Variants in ZC2HC1A observed in about 807,000 individuals in gnomAD.
ZC2HC1A encodes the protein zinc finger C2HC domain-containing protein 1A.
ZC2HC1A carries 28 observed loss-of-function variants against 40.7 expected under a neutral mutation model. The observed-to-expected ratio is 0.69, with a 90% CI of 0.51 to 0.94. ZC2HC1A has a LOEUF of 0.94. Ranked by LOEUF, ZC2HC1A falls within the 40% of genes least tolerant of loss-of-function variation. ZC2HC1A has a pLI of 0.00. For synonymous variants in ZC2HC1A, 129 were observed against 129.2 expected, an observed-to-expected ratio of 1.00 and a Z score of 0.01; for missense variants, 389 against 386.3, an observed-to-expected ratio of 1.01 and a Z score of -0.06.
At chr8:78,698,611 C>A in intron 7 of ZC2HC1A, 98 bp downstream of exon 7, 1 of 908,734 alleles carries the variant, frequency 1.1e-6, no homozygotes. Context: ...ATCTTCATTT[C>A]CTAAGTTCAT....
intron 1 of ZC2HC1A, among the ~76,000 whole-genome samples, chr8:78,672,156 T>C (rs573424926): frequency 1.2e-4 from 19 of 152,258 alleles, no homozygotes; most frequent in African/African-American, 4.1e-4. Flanking sequence ...TAGAGCAAAA[T>C]GTGGCTTTTG....
intron 5 of ZC2HC1A, among the ~76,000 whole-genome samples, chr8:78,694,382 T>G (rs1460040815): frequency 6.6e-6 from 1 of 152,164 alleles, no homozygotes; most frequent in Non-Finnish European, 1.5e-5. Flanking sequence ...TATTCATGAT[T>G]ATCATTCATG....
In ZC2HC1A at chr8:78,718,788, G is replaced by A. The variant is rs920002590; in HGVS notation, c.*1295G>A. 1 of 151,628 alleles carries A rather than the reference G, an allele frequency of 6.6e-6. No individual in the cohort carries two copies. The highest frequency in any genetic ancestry group is 1.5e-5 in the Non-Finnish European group (1 of 67,690). The allele number at this position is 151,628 out of a possible 1,614,324, so 9.4% of individuals were successfully genotyped here. Reference sequence around the variant, plus strand: ...AGATTGCCTTGATGGCAGTAATTCTGTAGTAATTTCTATTCAATCAAACCT... The same window carrying A: ...AGATTGCCTTGATGGCAGTAATTCTATAGTAATTTCTATTCAATCAAACCT... On this transcript the variant is annotated 3_prime_UTR_variant, in exon 9 of 9. Coordinates refer to ENST00000263849, the MANE Select transcript of ZC2HC1A (RefSeq NM_016010.3).
intron 1 of ZC2HC1A, among the ~76,000 whole-genome samples, chr8:78,667,977 A>G (rs1378718613): frequency 6.6e-6 from 1 of 152,014 alleles, no homozygotes; most frequent in East Asian, 1.9e-4. Context: ...TTTTTACAAA[A>G]TAAGATGCTA....
rs1460982834 is a variant in ZC2HC1A, at chr8:78,719,444, T to C, written c.*1951T>C. ...GATTTATGACTTACGAAATATGTTG[T>C]GACAATATATTTAAATGCATTTTTA... is the stretch of plus-strand genomic sequence containing the variant. On this transcript the variant is annotated 3_prime_UTR_variant, in exon 9 of 9. Coordinates refer to ENST00000263849, the MANE Select transcript of ZC2HC1A (RefSeq NM_016010.3). 1.3e-5 allele frequency: 2 copies of C among 151,806 alleles called. No individual in the cohort carries two copies. Among genetic ancestry groups the C allele is most frequent in the Non-Finnish European group, 3.0e-5 (2 of 67,706 alleles). 9.4% of individuals were successfully genotyped at this position (151,806 alleles called of 1,614,324 possible). A position where few individuals can be genotyped will look rare whatever the true frequency, so the allele number is the denominator to read the frequency against.
At chr8:78,695,298 G>A (rs556447838) in intron 5 of ZC2HC1A, among the ~76,000 whole-genome samples, 5 of 152,114 alleles carry the variant, frequency 3.3e-5, no homozygotes, top group Middle Eastern at 3.4e-3. Context: ...AACATTTTTT[G>A]GAGACATGTT....
rs371291912 is a variant in ZC2HC1A at position 78,715,359 on chromosome 8, A to G, written c.812+31A>G. 422 of 1,564,018 alleles carry G rather than the reference A, an allele frequency of 2.7e-4. 2 individuals are homozygous for G. The highest frequency in any genetic ancestry group is 1.7e-3 in the Middle Eastern group (10 of 5,880). ...TTTAGCTCTGCTCTCCCAATAACTAAAATAAAATTGAGTATATGATAGTTT... is the reference window on the plus strand; with the variant it reads ...TTTAGCTCTGCTCTCCCAATAACTAGAATAAAATTGAGTATATGATAGTTT... On this transcript the variant is annotated intron_variant, in intron 8 of 8. Transcript: ENST00000263849.
chr8:78,695,722 G>A (rs1042717707), intron 5 of ZC2HC1A, among the ~76,000 whole-genome samples: 1 of 152,118 alleles, frequency 6.6e-6, no homozygotes, highest in Admixed American at 6.6e-5. Context: ...TAAAAAATCA[G>A]TATCATTATA....
At chr8:78,669,974 T>TTTTTG (rs1809397645) in intron 1 of ZC2HC1A, among the ~76,000 whole-genome samples, 1 of 150,016 alleles carries the variant, frequency 6.7e-6, no homozygotes. Flanking sequence ...TTTCTTTCTT[T>TTTTTG]TTTTTTTTTT....
chr8:78,697,582 A>AT, intron 6 of ZC2HC1A, 76 bp downstream of exon 6: 1 of 998,222 alleles, frequency 1.0e-6, no homozygotes, highest in Non-Finnish European at 1.5e-6. Flanking sequence ...ATAGTGGTCT[A>AT]TTCTGGAATA....
chr8:78,716,855 A>T (rs954257578), intron 8 of ZC2HC1A, among the ~76,000 whole-genome samples: 4 of 152,050 alleles, frequency 2.6e-5, no homozygotes, highest in Non-Finnish European at 4.4e-5. Context: ...TTCTCAATGT[A>T]TCTGATTGTT....
intron 7 of ZC2HC1A, chr8:78,712,139 T>A: frequency 8.4e-7 from 1 of 1,194,234 alleles, no homozygotes; most frequent in Non-Finnish European, 1.1e-6. Context: ...GGTTAATATT[T>A]TTCAGATATT....
intron 5 of ZC2HC1A, among the ~76,000 whole-genome samples, chr8:78,695,877 C>T (rs1218139193): frequency 6.6e-6 from 1 of 152,116 alleles, no homozygotes; most frequent in Non-Finnish European, 1.5e-5. Flanking sequence ...CAAGATTTAA[C>T]TTTTTAAAAA....
chr8:78,667,211 G>A (rs1380833997), intron 1 of ZC2HC1A, among the ~76,000 whole-genome samples: 5 of 152,178 alleles, frequency 3.3e-5, no homozygotes, highest in Non-Finnish European at 7.4e-5. Context: ...TCACCAAAAA[G>A]CAGATGTAAT....
At chr8:78,713,343 C>T (rs960931915) in intron 7 of ZC2HC1A, among the ~76,000 whole-genome samples, 3 of 151,782 alleles carry the variant, frequency 2.0e-5, no homozygotes, top group Non-Finnish European at 4.4e-5. Flanking sequence ...CTTATATTTT[C>T]CTCTAAATAT....
intron 7 of ZC2HC1A, among the ~76,000 whole-genome samples, chr8:78,703,281 A>C (rs184334829): frequency 6.6e-6 from 1 of 152,180 alleles, no homozygotes; most frequent in African/African-American, 2.4e-5. Flanking sequence ...GTAAATATCT[A>C]TCAGGTCCAT....
intron 7 of ZC2HC1A, among the ~76,000 whole-genome samples, chr8:78,704,462 G>A (rs1381452058): frequency 6.6e-6 from 1 of 151,708 alleles, no homozygotes; most frequent in African/African-American, 2.4e-5. Context: ...CCACTGAGAG[G>A]TCTGCTGTTA....
chr8:78,673,842 A>G (rs1563619250), intron 1 of ZC2HC1A, among the ~76,000 whole-genome samples: 2 of 152,240 alleles, frequency 1.3e-5, no homozygotes, highest in East Asian at 3.9e-4. Context: ...AAGTAATGAC[A>G]TTCTTCTCTA....
At chr8:78,672,117 A>G (rs1052406348) in intron 1 of ZC2HC1A, among the ~76,000 whole-genome samples, 2 of 152,148 alleles carry the variant, frequency 1.3e-5, no homozygotes, top group African/African-American at 4.8e-5. Context: ...TTTTTCAACT[A>G]TACTGTCATG....
Sources: allele counts gnomAD v4.1 joint callset (sites outside exome capture counted in the v4.1 genomes callset), GRCh38; gene constraint gnomAD v4.1.1; transcripts MANE v1.5; gene names NCBI Gene and HGNC (gene_info 2026-07-23, HGNC 2026-07-21).